Variants in COL25A1 observed in about 807,000 individuals in gnomAD.
COL25A1 encodes the protein collagen type XXV alpha 1 chain.
COL25A1 carries 103 observed loss-of-function variants against 128.4 expected under a neutral mutation model. That is an observed-to-expected ratio of 0.80 (90% CI 0.68 to 0.94). The LOEUF (loss-of-function observed/expected upper bound fraction) is 0.94. COL25A1 is among the 40% of genes least tolerant of loss of function. COL25A1 has a pLI of 0.00. For missense variants in COL25A1, 745 were observed against 840.0 expected, an observed-to-expected ratio of 0.89 and a Z score of 1.40; for synonymous variants, 279 against 277.2, an observed-to-expected ratio of 1.01 and a Z score of -0.06.
chr4:108,976,100 T>C (rs1011674312), intron 6 of COL25A1, among the ~76,000 whole-genome samples: 14 of 152,170 alleles, frequency 9.2e-5, no homozygotes, highest in African/African-American at 3.4e-4. Flanking sequence ...AGTTGTCCCT[T>C]TTTATATTCC....
chr4:109,061,862 A>T (rs2125966338), intron 3 of COL25A1, among the ~76,000 whole-genome samples: 1 of 152,320 alleles, frequency 6.6e-6, no homozygotes. Flanking sequence ...ATTTCATAAT[A>T]ATTCTAGCAC....
chr4:108,990,417 AACTTTGCTCTCTT>A (rs1754117327), intron 6 of COL25A1, among the ~76,000 whole-genome samples: 1 of 151,680 alleles, frequency 6.6e-6, no homozygotes, highest in South Asian at 2.1e-4. Context: ...TTTGAACTAA[AACTTTGCTCTCTT>A]TAAAGAAAAT....
intron 3 of COL25A1, among the ~76,000 whole-genome samples, chr4:109,215,823 T>A (rs1431945387): frequency 6.6e-6 from 1 of 152,160 alleles, no homozygotes; most frequent in Non-Finnish European, 1.5e-5. Context: ...GAATACAGCA[T>A]GAGACCCTCC....
intron 30 of COL25A1, 139 bp from the exon 31 acceptor site, chr4:108,841,860 T>C: frequency 1.4e-6 from 1 of 690,546 alleles, no homozygotes; most frequent in Admixed American, 2.6e-5. Context: ...GGCTAGTGGA[T>C]GTTATTTATT....
At position 108,843,148 on chromosome 4, in the gene COL25A1, C is replaced by CAAA. The variant is rs540931971; in HGVS notation, c.1629+1368_1629+1370dup. Among the ~76,000 whole-genome samples, 315 of 88,196 alleles carry CAAA rather than the reference C, an allele frequency of 3.6e-3. 5 individuals carry two copies. Among genetic ancestry groups the CAAA allele is most frequent in the African/African-American group, 9.8e-3 (215 of 21,876 alleles). The allele number at this position is 88,196 out of a possible 152,430, so 57.9% of individuals were successfully genotyped here. A position where few individuals can be genotyped will look rare whatever the true frequency, so the allele number is the denominator to read the frequency against. ...TGGGTGACAGAGTGAGACCCTGTCT[C>CAAA]AAAAAAAAAAAAAAAAAAAAAAGAG... On this transcript the variant is annotated intron_variant, in intron 30 of 37. Coordinates refer to ENST00000399132, the MANE Select transcript of COL25A1 (RefSeq NM_198721.4).
intron 3 of COL25A1, among the ~76,000 whole-genome samples, chr4:109,105,371 G>A (rs1766329730): frequency 6.6e-6 from 1 of 152,082 alleles, no homozygotes; most frequent in Admixed American, 6.6e-5. Context: ...CTACTCAGGA[G>A]GCTGAGGCAG....
intron 21 of COL25A1, 55 bp from the exon 22 acceptor site, chr4:108,862,600 C>T: frequency 3.5e-6 from 4 of 1,144,168 alleles, no homozygotes; most frequent in Non-Finnish European, 5.0e-6. Context: ...GAGATAAGAA[C>T]AGAAAAATAG....
intron 5 of COL25A1, among the ~76,000 whole-genome samples, chr4:109,016,919 G>A (rs371228679): frequency 1.3e-5 from 2 of 152,208 alleles, no homozygotes; most frequent in East Asian, 1.9e-4. Context: ...CAAATGGCAA[G>A]ACTGAAAGAG....
At chr4:109,156,303 T>A (rs1244639333) in intron 3 of COL25A1, among the ~76,000 whole-genome samples, 1 of 152,244 alleles carries the variant, frequency 6.6e-6, no homozygotes. Flanking sequence ...CAGGCTTCCC[T>A]GGACTAAAAT....
chr4:109,060,913 G>C (rs1412662750), intron 3 of COL25A1, among the ~76,000 whole-genome samples: 1 of 152,072 alleles, frequency 6.6e-6, no homozygotes, highest in Non-Finnish European at 1.5e-5. Context: ...TGATGCTATA[G>C]TTTGGGTCCA....
At chr4:109,264,834 G>A (rs542340032) in intron 3 of COL25A1, among the ~76,000 whole-genome samples, 2 of 152,078 alleles carry the variant, frequency 1.3e-5, no homozygotes, top group African/African-American at 4.8e-5. Flanking sequence ...CACCAATAAG[G>A]ACCATGTGGT....
At chr4:108,967,962 G>A (rs1751503787) in intron 8 of COL25A1, among the ~76,000 whole-genome samples, 1 of 152,110 alleles carries the variant, frequency 6.6e-6, no homozygotes, top group Non-Finnish European at 1.5e-5. Flanking sequence ...CTCTATGCGT[G>A]GTGACCGACA....
intron 6 of COL25A1, among the ~76,000 whole-genome samples, chr4:108,995,287 G>A (rs922732567): frequency 1.3e-5 from 2 of 152,158 alleles, no homozygotes; most frequent in Non-Finnish European, 2.9e-5. Context: ...ACCTGATGGA[G>A]CTGAAAACCA....
In COL25A1 at chr4:108,908,342, C is replaced by T. The variant is rs576213840; in HGVS notation, c.781-7170G>A. On this transcript the variant is annotated intron_variant, in intron 13 of 37. Transcript: ENST00000399132. ...GGCTTCTCCTCTCTCCCTCTTCCAC[C>T]TCACTGTCCTCTTTCTTCCCTCCCT... Among the ~76,000 whole-genome samples, 10 of 152,278 alleles carry T rather than the reference C, an allele frequency of 6.6e-5. No homozygotes were observed. In the South Asian group the frequency reaches 2.1e-3, roughly 32 times the overall value.
intron 2 of COL25A1, 140 bp from the exon 3 acceptor site, chr4:109,300,792 G>A: frequency 1.7e-6 from 1 of 596,138 alleles, no homozygotes; most frequent in Non-Finnish European, 3.0e-6. Flanking sequence ...TTGGACTCTA[G>A]TCAAGAAAGT....
intron 6 of COL25A1, among the ~76,000 whole-genome samples, chr4:109,001,284 T>C (rs367555627): frequency 8.7e-5 from 4 of 45,872 alleles, no homozygotes; most frequent in African/African-American, 1.0e-4. Context: ...CTTTCCTGAC[T>C]TGCCTCCCTG....
intron 5 of COL25A1, among the ~76,000 whole-genome samples, chr4:109,022,774 ACAC>A (rs1757891594): frequency 6.6e-6 from 1 of 152,214 alleles, no homozygotes; most frequent in Non-Finnish European, 1.5e-5. Context: ...CTGAAAGTAT[ACAC>A]CAGAGCATAC....
chr4:109,257,230 A>C lies in COL25A1; in HGVS notation c.367+43353T>G, dbSNP rs1781141593. 3.3e-5 allele frequency among the ~76,000 whole-genome samples: 5 copies of C among 152,208 alleles called. No individual in the cohort carries two copies. The South Asian group carries it at 1.0e-3, about 32-fold the overall frequency. ...CACAACTTGTCTTCATGCTGCACTT[A>C]AGAATCCAATGTGAAGATAAATTTT... On this transcript the variant is annotated intron_variant, in intron 3 of 37. Coordinates refer to ENST00000399132, the MANE Select transcript of COL25A1 (RefSeq NM_198721.4).
intron 3 of COL25A1, among the ~76,000 whole-genome samples, chr4:109,093,893 A>G (rs561821937): frequency 2.0e-5 from 3 of 151,396 alleles, no homozygotes; most frequent in Non-Finnish European, 2.9e-5. Context: ...GCAACTTAGT[A>G]TTTCTCACTG....
Sources: gnomAD v4.1 joint callset for allele counts (sites outside exome capture counted in the v4.1 genomes callset) on GRCh38, gnomAD v4.1.1 for gene constraint, MANE v1.5 for transcripts, NCBI Gene and HGNC (gene_info 2026-07-23, HGNC 2026-07-21) for gene names.